The following TRIP11 variants were observed in gnomAD, a reference collection of about 807,000 sequenced individuals.
TRIP11 encodes thyroid receptor-interacting protein 11.
A neutral mutation model predicts 223.1 loss-of-function variants in TRIP11; 148 were observed. That is an observed-to-expected ratio of 0.66 (90% confidence interval 0.58 to 0.76). The LOEUF (loss-of-function observed/expected upper bound fraction) is 0.76. Ranked by LOEUF, TRIP11 falls within the 30% of genes least tolerant of loss-of-function variation. The pLI is 0.00. For synonymous variants in TRIP11, 762 were observed against 772.6 expected, an observed-to-expected ratio of 0.99 and a Z score of 0.23; for missense variants, 2,043 against 2,222.0, an observed-to-expected ratio of 0.92 and a Z score of 1.62.
In TRIP11 at chr14:92,004,744, T is replaced by C. The variant is rs749191390; in HGVS notation, c.3232A>G (p.Thr1078Ala). 1.9e-6 allele frequency: 3 copies of C among 1,614,042 alleles called. No individual in the cohort carries two copies. The highest frequency in any genetic ancestry group is 4.5e-5 in the East Asian group (2 of 44,878). The change falls in exon 11 of 21, where the codon ACT becomes GCT. Residue 1078 changes from threonine to alanine, a missense_variant. Thr to Ala is a moderately conservative substitution (Grantham distance 58, BLOSUM62 0). Coordinates refer to ENST00000267622, the MANE Select transcript of TRIP11 (RefSeq NM_004239.4). ...TAAACAACATCTTGAGTATGGGAAG[T>C]TGAAGAAATTCTAGCATGAAGAGCT... ...IQALHARISS[T>A]SHTQDVVYLQ...
Position 91,995,592 on chromosome 14 carries a change from A to T in TRIP11, c.4893-77T>A, listed in dbSNP as rs1273776908. 6.3e-5 allele frequency: 86 copies of T among 1,375,214 alleles called. 1 individual carries two copies. The highest frequency in any genetic ancestry group is 8.5e-5 in the Non-Finnish European group (84 of 992,030). The allele number at this position is 1,375,214 out of a possible 1,614,324, so 85.2% of individuals were successfully genotyped here. On this transcript the variant is annotated intron_variant, in intron 13 of 20. Transcript: ENST00000267622. ...AACAAGAAGAAGCCACCTTCCCTACATCTTATTACTTTATTTTATTTTATT... is the reference window on the plus strand; with the variant it reads ...AACAAGAAGAAGCCACCTTCCCTACTTCTTATTACTTTATTTTATTTTATT...
In TRIP11 at chr14:92,003,568, C is replaced by G; in HGVS notation, c.4408G>C (p.Glu1470Gln). 1 of 1,614,112 alleles carries G rather than the reference C, an allele frequency of 6.2e-7. No homozygotes were observed. Among genetic ancestry groups the G allele is most frequent in the Non-Finnish European group, 8.5e-7 (1 of 1,179,998 alleles). The change falls in exon 11 of 21, where the codon GAA becomes CAA. Residue 1470 changes from glutamate to glutamine, a missense_variant. Coordinates refer to ENST00000267622, the MANE Select transcript of TRIP11 (RefSeq NM_004239.4). ...KLKGENEKIV[E>Q]TYRGKETEYQ... ...TCTGTTTCCTTTCCCCTGTATGTTT[C>G]CACTATTTTTTCATTTTCTCCTTTT... is the stretch of plus-strand genomic sequence containing the variant.
chr14:92,014,362 T>A lies in TRIP11; in HGVS notation c.1039A>T (p.Met347Leu). ...EQLNVEKRQI[M>L]EECENLKLEC... The stretch of plus-strand genomic sequence containing the variant: ...AATTTCAAGTTTTCACATTCTTCCA[T>A]TATTTGTCTCTTTTCCACATTTAGC... Residue 347 changes from methionine to leucine, a missense_variant, in exon 7 of 21, where the codon ATG becomes TTG. Met to Leu is a conservative substitution (Grantham distance 15, BLOSUM62 2). Coordinates refer to ENST00000267622, the MANE Select transcript of TRIP11 (RefSeq NM_004239.4). The A allele has an allele frequency of 6.2e-7, 1 of 1,613,960 alleles. No individual in the cohort carries two copies. The highest frequency in any genetic ancestry group is 1.1e-5 in the South Asian group (1 of 91,086).
At chr14:92,010,403 G>A (rs567705703) in intron 9 of TRIP11, among the ~76,000 whole-genome samples, 2 of 152,224 alleles carry the variant, frequency 1.3e-5, no homozygotes, top group Admixed American at 6.5e-5. Context: ...GGTGGCTGGC[G>A]CCTGTAATCC....
intron 9 of TRIP11, among the ~76,000 whole-genome samples, chr14:92,008,840 C>T (rs1420516473): frequency 6.6e-6 from 1 of 152,024 alleles, no homozygotes; most frequent in African/African-American, 2.4e-5. Context: ...TCAGCCACAG[C>T]ACTCTAACCT....
At chr14:92,032,601 A>G (rs1369146637) in intron 2 of TRIP11, among the ~76,000 whole-genome samples, 2 of 152,070 alleles carry the variant, frequency 1.3e-5, no homozygotes, top group Admixed American at 6.5e-5. Context: ...TTGGGAGGCT[A>G]AGGCGGGTGA....
At chr14:91,977,115 C>T (rs1232880694) in intron 16 of TRIP11, 4 of 388,716 alleles carry the variant, frequency 1.0e-5, no homozygotes, top group Non-Finnish European at 2.0e-5. Context: ...ACGCTAGACT[C>T]TGCCACAAAC....
In TRIP11 at chr14:92,007,658, C is replaced by T. The variant is rs758026298; in HGVS notation, c.1509G>A (p.Gln503=). 3.1e-6 allele frequency: 5 copies of T among 1,613,450 alleles called. No individual in the cohort carries two copies. The highest frequency in any genetic ancestry group is 4.2e-6 in the Non-Finnish European group (5 of 1,179,908). ...LIAEIEELDR[Q]NQEATKHMIL... ...GTGTTACCTTTGTAGCTTCTTGATTCTGTCTGTCCAATTCTTCTATCTCAG... is the reference window on the plus strand; with the variant it reads ...GTGTTACCTTTGTAGCTTCTTGATTTTGTCTGTCCAATTCTTCTATCTCAG... Residue 503 remains glutamine, a synonymous_variant, in exon 10 of 21, where the codon CAG becomes CAA. Coordinates refer to ENST00000267622, the MANE Select transcript of TRIP11 (RefSeq NM_004239.4).
At position 92,037,974 on chromosome 14, in the gene TRIP11, G is replaced by T. The variant is rs1410253101; in HGVS notation, c.139+1573C>A. On this transcript the variant is annotated intron_variant, in intron 1 of 20. Coordinates refer to ENST00000267622, the MANE Select transcript of TRIP11 (RefSeq NM_004239.4). The surrounding 1 kb of genome is among the most constrained non-coding windows in gnomAD (Gnocchi z 4.2). ...TGACAATACAATAGAAAATGGACTG[G>T]GGTAGGGAGAAATGGGTGACAGGAC... Among the ~76,000 whole-genome samples the T allele has an allele frequency of 6.6e-6, 1 of 152,154 alleles. No individual in the cohort carries two copies. The highest frequency in any genetic ancestry group is 2.4e-5 in the African/African-American group (1 of 41,444).
chr14:91,995,646 C>T (rs1566853647), intron 13 of TRIP11, 131 bp from the exon 14 acceptor site: 8 of 892,638 alleles, frequency 9.0e-6, no homozygotes, highest in Non-Finnish European at 1.3e-5. Context: ...GACAGAGTCT[C>T]GCTCTGTCAC....
Position 91,975,217 on chromosome 14 carries a change from C to T in TRIP11, c.5412G>A (p.Arg1804=). 1 of 1,613,832 alleles carries T rather than the reference C, an allele frequency of 6.2e-7. No homozygotes were observed. Among genetic ancestry groups the T allele is most frequent in the Non-Finnish European group, 8.5e-7 (1 of 1,179,832 alleles). The change falls in exon 18 of 21, where the codon CGG becomes CGA. Residue 1804 remains arginine, a synonymous_variant. Coordinates refer to ENST00000267622, the MANE Select transcript of TRIP11 (RefSeq NM_004239.4). ...TGACGCCCAGGATGCTCCCCATTAACCGTAACACTTCATGACGCTGATTTT... is the reference window on the plus strand; with the variant it reads ...TGACGCCCAGGATGCTCCCCATTAATCGTAACACTTCATGACGCTGATTTT... The part of the protein sequence containing the change: ...TPKNQRHEVL[R]LMGSILGVRR...
At chr14:91,993,578 C>CA (rs11285699) in intron 15 of TRIP11, among the ~76,000 whole-genome samples, 1 of 151,324 alleles carries the variant, frequency 6.6e-6, no homozygotes, top group Non-Finnish European at 1.5e-5. Flanking sequence ...CTCTATGTGC[C>CA]AAAAAAATTT....
chr14:92,038,292 C>G (rs944241353), intron 1 of TRIP11, among the ~76,000 whole-genome samples: 3 of 152,160 alleles, frequency 2.0e-5, no homozygotes, highest in African/African-American at 7.2e-5. Flanking sequence ...GTCTAAGGAA[C>G]AGCCAACCGT....
rs535757764 is a variant in TRIP11, at chr14:91,979,569, A to C, written c.5261-3380T>G. On this transcript the variant is annotated intron_variant, in intron 16 of 20. Coordinates refer to ENST00000267622, the MANE Select transcript of TRIP11 (RefSeq NM_004239.4). ...AATTTCCTAAACTCACTATCAGAAC[A>C]TACAGTTTGTCCCTGAGCTAATGTG... Among the ~76,000 whole-genome samples, 5 of 152,286 alleles carry C rather than the reference A, an allele frequency of 3.3e-5. No individual in the cohort carries two copies. The South Asian group carries it at 1.0e-3, about 32-fold the overall frequency.
chr14:92,011,806 A>G lies in TRIP11; in HGVS notation c.1187-11T>C. ...TTTCATTTTCGGCATCTGTAAAAAC[A>G]GCAAATGAACTTGACATTAAAATTA... On this transcript the variant is annotated splice_polypyrimidine_tract_variant and intron_variant, in intron 7 of 20. Coordinates refer to ENST00000267622, the MANE Select transcript of TRIP11 (RefSeq NM_004239.4). 1 of 1,611,048 alleles carries G rather than the reference A, an allele frequency of 6.2e-7. No homozygotes were observed. The highest frequency in any genetic ancestry group is 8.5e-7 in the Non-Finnish European group (1 of 1,178,668).
intron 8 of TRIP11, among the ~76,000 whole-genome samples, chr14:92,011,316 C>T (rs745456119): frequency 6.6e-6 from 1 of 151,424 alleles, no homozygotes; most frequent in Non-Finnish European, 1.5e-5. Context: ...ACAGTGAAAC[C>T]CCGTCTCTAC....
intron 16 of TRIP11, among the ~76,000 whole-genome samples, chr14:91,980,883 T>G (rs1458648915): frequency 6.6e-6 from 1 of 151,236 alleles, no homozygotes; most frequent in African/African-American, 2.4e-5. Flanking sequence ...ATTTAACCTC[T>G]TCATTTAATT....
At position 92,003,951 on chromosome 14, in the gene TRIP11, G is replaced by T; in HGVS notation, c.4025C>A (p.Ser1342Tyr). Residue 1342 changes from serine (S) to tyrosine (Y), a missense_variant, in exon 11 of 21, where the codon TCT (serine) becomes TAT (tyrosine). By Grantham distance (144) the Ser-to-Tyr change is moderately radical (BLOSUM62 -2). Transcript: ENST00000267622. ...TTCTAACTCTTGCTGAAGCAATTCAGAAGATTCACTCAATACTTCAGACTT... is the reference window on the plus strand; with the variant it reads ...TTCTAACTCTTGCTGAAGCAATTCATAAGATTCACTCAATACTTCAGACTT... ...ASKSEVLSES[S>Y]ELLQQELEEL... The T allele has an allele frequency of 6.2e-7, 1 of 1,614,138 alleles. No homozygotes were observed. The highest frequency in any genetic ancestry group is 8.5e-7 in the Non-Finnish European group (1 of 1,180,030).
chr14:92,023,979 C>A (rs567977086), intron 3 of TRIP11, among the ~76,000 whole-genome samples: 2 of 151,798 alleles, frequency 1.3e-5, no homozygotes, highest in Non-Finnish European at 2.9e-5. Flanking sequence ...TCTCAGCCTC[C>A]CAAGTAGCTG....
Sources: allele counts gnomAD v4.1 joint callset (sites outside exome capture counted in the v4.1 genomes callset), GRCh38; gene constraint gnomAD v4.1.1; non-coding constraint Gnocchi (gnomAD v3.1); transcripts MANE v1.5; gene names NCBI Gene and HGNC (gene_info 2026-07-23, HGNC 2026-07-21).